UNC13C: variants seen among roughly 807,000 people sequenced by gnomAD.
UNC13C encodes the protein unc-13 homolog C, also known as protein unc-13 homolog C.
Under a neutral mutation model 245.4 loss-of-function variants are expected in UNC13C, and 174 were observed. The ratio of observed to expected loss-of-function variants is 0.71; its 90% confidence interval spans 0.63 to 0.80. The LOEUF is 0.80. Ranked by LOEUF, UNC13C falls within the 30% of genes least tolerant of loss-of-function variation. The pLI, the probability that UNC13C is intolerant of heterozygous loss-of-function variation, is 0.00. For synonymous variants in UNC13C, 992 were observed against 895.1 expected, an observed-to-expected ratio of 1.11 and a Z score of -1.93; for missense variants, 2,829 against 2,602.9, an observed-to-expected ratio of 1.09 and a Z score of -1.89.
At chr15:54,250,195 G>C (rs192655469) in intron 7 of UNC13C, 30 bp from the exon 8 acceptor site, 1 of 1,588,358 alleles carries the variant, frequency 6.3e-7, no homozygotes, top group Non-Finnish European at 8.6e-7. Context: ...TGACTTGGCG[G>C]TGCATTGGTA....
chr15:54,073,812 C>A (rs1026583736), intron 2 of UNC13C, among the ~76,000 whole-genome samples: 1 of 152,058 alleles, frequency 6.6e-6, no homozygotes, highest in Non-Finnish European at 1.5e-5. Context: ...CCAAAATTTT[C>A]TCCCATTCTG....
intron 24 of UNC13C, among the ~76,000 whole-genome samples, chr15:54,519,653 G>A (rs1402111): frequency 0.22 from 33,633 of 152,102 alleles, 3,909 homozygotes; most frequent in Middle Eastern, 0.31. Context: ...GAAAATTGTC[G>A]TGTAAGTTCT....
At chr15:54,616,312 G>A (rs1900426538) in intron 30 of UNC13C, among the ~76,000 whole-genome samples, 2 of 152,004 alleles carry the variant, frequency 1.3e-5, no homozygotes, top group South Asian at 4.1e-4. Context: ...TGGAGTTTGT[G>A]ACATATACCA....
the UNC13C span, among the ~76,000 whole-genome samples, chr15:53,875,811 G>A: frequency 6.6e-6 from 1 of 152,156 alleles, no homozygotes; most frequent in South Asian, 2.1e-4. Flanking sequence ...CAAGCACTAG[G>A]GTCTGGGCCA....
At chr15:54,255,661 C>T (rs1370694453) in intron 8 of UNC13C, among the ~76,000 whole-genome samples, 1 of 116,552 alleles carries the variant, frequency 8.6e-6, no homozygotes, top group Non-Finnish European at 1.7e-5. Context: ...AGGATGGGGG[C>T]GTGGCAGGCC....
chr15:54,540,487 G>A (rs1896195788), intron 26 of UNC13C, among the ~76,000 whole-genome samples: 3 of 151,992 alleles, frequency 2.0e-5, no homozygotes, highest in Admixed American at 1.3e-4. Flanking sequence ...TTATCAAGTT[G>A]ATTAATTCAG....
chr15:54,332,844 C>A (rs1384776852), intron 15 of UNC13C, among the ~76,000 whole-genome samples: 1 of 151,932 alleles, frequency 6.6e-6, no homozygotes, highest in African/African-American at 2.4e-5. Flanking sequence ...CCCATGCATT[C>A]ATTTTTAATT....
intron 11 of UNC13C, among the ~76,000 whole-genome samples, chr15:54,297,310 A>G (rs1341375005): frequency 6.6e-6 from 1 of 152,098 alleles, no homozygotes; most frequent in Admixed American, 6.5e-5. Context: ...ATACCACAAT[A>G]GGCAAATATT....
intron 8 of UNC13C, among the ~76,000 whole-genome samples, chr15:54,250,657 G>T (rs2036120209): frequency 6.6e-6 from 1 of 151,250 alleles, no homozygotes; most frequent in Non-Finnish European, 1.5e-5. Flanking sequence ...TCCTCAGGGT[G>T]AGTACCTGGA....
chr15:54,461,599 G>A (rs1449195890), intron 19 of UNC13C, among the ~76,000 whole-genome samples: 1 of 152,004 alleles, frequency 6.6e-6, no homozygotes, highest in East Asian at 1.9e-4. Flanking sequence ...TATGATTATG[G>A]GAATAATTTA....
At chr15:54,374,770 C>T (rs1465833136) in intron 17 of UNC13C, among the ~76,000 whole-genome samples, 1 of 152,214 alleles carries the variant, frequency 6.6e-6, no homozygotes, top group Non-Finnish European at 1.5e-5. Context: ...CTCTGTGGAG[C>T]ATGCAGTCCT....
chr15:54,237,764 G>C (rs1377207149), intron 7 of UNC13C, 74 bp downstream of exon 7: 5 of 1,226,078 alleles, frequency 4.1e-6, no homozygotes, highest in Middle Eastern at 2.2e-4. Context: ...TGTTCTGCTT[G>C]AGCTACTCAT....
chr15:54,079,403 A>G (rs1342417975), intron 2 of UNC13C, among the ~76,000 whole-genome samples: 2 of 151,994 alleles, frequency 1.3e-5, no homozygotes, highest in Admixed American at 6.6e-5. Context: ...TTTTATGGAC[A>G]GTATAGTCAT....
At chr15:54,402,108 A>G (rs138903085) in intron 18 of UNC13C, among the ~76,000 whole-genome samples, 223 of 152,096 alleles carry the variant, frequency 1.5e-3, no homozygotes, top group African/African-American at 5.3e-3. Context: ...CTTAGGATCT[A>G]GGTGAACGGT....
rs189139164 is a variant in UNC13C, at chr15:54,465,680, C to T, written c.4934-28928C>T. Among the ~76,000 whole-genome samples, 8 of 151,990 alleles carry T rather than the reference C, an allele frequency of 5.3e-5. No homozygotes were observed. In the East Asian group the frequency reaches 1.5e-3, roughly 29 times the overall value. The stretch of plus-strand genomic sequence containing the variant: ...AGAGGCAGGAATAGTAGTATGATTC[C>T]AGAAAGATGGTCAAAGTGTGGCATT... On this transcript the variant is annotated intron_variant, in intron 19 of 32. Transcript: ENST00000260323.
At chr15:54,064,736 G>T (rs542103192) in intron 2 of UNC13C, among the ~76,000 whole-genome samples, 1 of 152,174 alleles carries the variant, frequency 6.6e-6, no homozygotes, top group Non-Finnish European at 1.5e-5. Flanking sequence ...AGGAATAACT[G>T]CAGGTACTGT....
chr15:54,260,715 AATAT>A (rs2036402171), intron 8 of UNC13C, among the ~76,000 whole-genome samples: 2 of 148,282 alleles, frequency 1.3e-5, no homozygotes, highest in East Asian at 2.0e-4. Context: ...ATATAATCAA[AATAT>A]ATATATAACT....
chr15:54,132,340 G>C (rs868683131), intron 2 of UNC13C, among the ~76,000 whole-genome samples: 17 of 152,100 alleles, frequency 1.1e-4, no homozygotes, highest in South Asian at 4.1e-4. Flanking sequence ...AAAGTGCTGG[G>C]ATCACAGGCA....
chr15:54,502,513 G>C (rs963569617), intron 22 of UNC13C, among the ~76,000 whole-genome samples: 4 of 152,100 alleles, frequency 2.6e-5, no homozygotes, highest in African/African-American at 9.7e-5. Context: ...CCCCTTAGAT[G>C]ATTCTAATTT....
Sources: gnomAD v4.1 joint callset for allele counts (sites outside exome capture counted in the v4.1 genomes callset) on GRCh38, gnomAD v4.1.1 for gene constraint, MANE v1.5 for transcripts, NCBI Gene and HGNC (gene_info 2026-07-23, HGNC 2026-07-21) for gene names.